TPD52: variants seen among roughly 807,000 people sequenced by gnomAD.
TPD52 encodes the protein tumor protein D52.
In TPD52, 17 loss-of-function variants were observed where a neutral mutation model predicts 31.3. The observed-to-expected ratio is 0.54, with a 90% CI of 0.37 to 0.82. The LOEUF (loss-of-function observed/expected upper bound fraction) is 0.82. TPD52 is among the 40% of genes least tolerant of loss of function. The pLI is 0.00. For synonymous variants in TPD52, 83 were observed against 89.6 expected (o/e 0.93, Z 0.42); for missense variants, 212 against 240.1 (o/e 0.88, Z 0.77).
intron 5 of TPD52, among the ~76,000 whole-genome samples, chr8:80,050,073 A>G (rs1028782748): frequency 6.6e-5 from 10 of 152,196 alleles, no homozygotes; most frequent in Non-Finnish European, 1.3e-4. Flanking sequence ...AAGAATTCCA[A>G]CATCCTTACA....
At chr8:80,050,216 A>G in intron 5 of TPD52, 1 of 392,208 alleles carries the variant, frequency 2.5e-6, no homozygotes, top group Non-Finnish European at 4.5e-6. Context: ...AATCATTTCC[A>G]TATCCCTTGA....
At chr8:80,056,243 C>T (rs1233348977) in intron 2 of TPD52, among the ~76,000 whole-genome samples, 4 of 152,250 alleles carry the variant, frequency 2.6e-5, no homozygotes, top group Non-Finnish European at 4.4e-5. Flanking sequence ...GAGAACAATA[C>T]GTTAAGCAGA....
At chr8:80,136,021 T>C (rs1809368221) in intron 1 of TPD52, among the ~76,000 whole-genome samples, 3 of 121,382 alleles carry the variant, frequency 2.5e-5, no homozygotes, top group Admixed American at 8.6e-5. Flanking sequence ...TTGGGAGATA[T>C]ACCTAATGCT....
At chr8:80,139,606 A>G (rs1236563316) in intron 1 of TPD52, among the ~76,000 whole-genome samples, 4 of 146,680 alleles carry the variant, frequency 2.7e-5, no homozygotes, top group Non-Finnish European at 4.5e-5. Context: ...CAGCACAACC[A>G]TGAAAATAAC....
intron 4 of TPD52, among the ~76,000 whole-genome samples, chr8:80,050,699 T>C (rs1010402429): frequency 6.6e-6 from 1 of 152,212 alleles, no homozygotes; most frequent in African/African-American, 2.4e-5. Context: ...AGTCTAAATA[T>C]AATGAGCGAG....
At chr8:80,040,128 A>C (rs1420529058) in intron 7 of TPD52, among the ~76,000 whole-genome samples, 1 of 150,040 alleles carries the variant, frequency 6.7e-6, no homozygotes, top group Non-Finnish European at 1.5e-5. Context: ...TTATATCCCC[A>C]GCATGTAATT....
At chr8:80,171,161 A>G in intron 1 of TPD52, 1 of 692,558 alleles carries the variant, frequency 1.4e-6, no homozygotes, top group East Asian at 2.8e-5. Flanking sequence ...CCCCTTCGCC[A>G]CCTCCCAGAA....
chr8:80,080,495 A>C, intron 1 of TPD52: 1 of 1,608,956 alleles, frequency 6.2e-7, no homozygotes, highest in Admixed American at 1.7e-5. Context: ...ATCGCCTGAT[A>C]TCAGCCTTCA....
Position 80,100,583 on chromosome 8 carries a change from A to G in TPD52, c.20-35990T>C, listed in dbSNP as rs747713916. Among the ~76,000 whole-genome samples, 144 of 152,350 alleles carry G rather than the reference A, an allele frequency of 9.5e-4. No homozygotes were observed. The Middle Eastern group carries it at 0.01, about 11-fold the overall frequency. On this transcript the variant is annotated intron_variant, in intron 1 of 7. Coordinates refer to ENST00000518937, the MANE Select transcript of TPD52 (RefSeq NM_001025253.3). ...ATTACTTACTAAGTCAGCTCTTTCC[A>G]GTCACCTAGCTAGCCAAAGTTTATT...
intron 1 of TPD52, among the ~76,000 whole-genome samples, chr8:80,073,694 C>A (rs549388318): frequency 2.5e-4 from 38 of 152,216 alleles, no homozygotes; most frequent in Non-Finnish European, 4.7e-4. Context: ...CCCAGTCTCC[C>A]TTCATTCTCT....
intron 1 of TPD52, among the ~76,000 whole-genome samples, chr8:80,163,573 T>C (rs964389782): frequency 2.0e-5 from 3 of 152,192 alleles, no homozygotes; most frequent in Non-Finnish European, 2.9e-5. Flanking sequence ...GTTAACACTA[T>C]CGTACTGTAC....
intron 1 of TPD52, among the ~76,000 whole-genome samples, chr8:80,154,125 T>C (rs933030310): frequency 6.6e-6 from 1 of 152,192 alleles, no homozygotes; most frequent in African/African-American, 2.4e-5. Flanking sequence ...AGTAGGAGTG[T>C]TGGTGGGAAA....
rs527571197 is a variant in TPD52 at position 80,042,560 on chromosome 8, C to G, written c.504+60G>C. On this transcript the variant is annotated intron_variant, in intron 7 of 7. Transcript: ENST00000518937. Reference sequence around the variant, plus strand: ...ATTAATGTCAATGATTTTCGCACAGCAAAGTTAATTAAGACACCAGGCAAT... The same window carrying G: ...ATTAATGTCAATGATTTTCGCACAGGAAAGTTAATTAAGACACCAGGCAAT... The G allele has an allele frequency of 2.6e-5, 40 of 1,558,364 alleles. 1 individual carries two copies. In the South Asian group the frequency reaches 4.5e-4, roughly 18 times the overall value.
At chr8:80,084,711 T>G (rs1050712511) in intron 1 of TPD52, among the ~76,000 whole-genome samples, 2 of 152,234 alleles carry the variant, frequency 1.3e-5, no homozygotes, top group Non-Finnish European at 2.9e-5. Flanking sequence ...TATTTCCCAC[T>G]ATTACTCAAC....
At chr8:80,081,427 G>A (rs530097795) in intron 1 of TPD52, among the ~76,000 whole-genome samples, 1 of 152,184 alleles carries the variant, frequency 6.6e-6, no homozygotes, top group East Asian at 1.9e-4. Context: ...CTGTGGCCTT[G>A]GCTCAAGCAA....
At chr8:80,148,427 T>C (rs904292187) in intron 1 of TPD52, among the ~76,000 whole-genome samples, 5 of 151,878 alleles carry the variant, frequency 3.3e-5, no homozygotes, top group African/African-American at 1.2e-4. Flanking sequence ...CCTCCCAAAA[T>C]GCTGGGATTA....
chr8:80,106,953 A>T (rs1015843837), intron 1 of TPD52, among the ~76,000 whole-genome samples: 1 of 149,416 alleles, frequency 6.7e-6, no homozygotes, highest in Non-Finnish European at 1.5e-5. Flanking sequence ...CCGGGTTCAC[A>T]CCATTCTCCT....
At chr8:80,123,782 C>T (rs1273296980) in intron 1 of TPD52, among the ~76,000 whole-genome samples, 1 of 152,030 alleles carries the variant, frequency 6.6e-6, no homozygotes, top group Non-Finnish European at 1.5e-5. Context: ...AAAGGATGGA[C>T]CAAGAATGTA....
chr8:80,052,566 A>C (rs1811477312), intron 3 of TPD52: 1 of 1,255,104 alleles, frequency 8.0e-7, no homozygotes, highest in South Asian at 1.3e-5. Flanking sequence ...AGTTGGCCTC[A>C]CTTCTGATAG....
Sources: allele counts gnomAD v4.1 joint callset (sites outside exome capture counted in the v4.1 genomes callset), GRCh38; gene constraint gnomAD v4.1.1; transcripts MANE v1.5; gene names NCBI Gene and HGNC (gene_info 2026-07-23, HGNC 2026-07-21).